The following DMD variants were observed in gnomAD, a reference collection of about 807,000 sequenced individuals.
DMD encodes the protein dystrophin, also known as mutant dystrophin.
In DMD, 63 loss-of-function variants were observed where a neutral mutation model predicts 330.1. That is an observed-to-expected ratio of 0.19 (90% confidence interval 0.16 to 0.24). The LOEUF is 0.24. DMD is among the 10% of genes least tolerant of loss of function. The pLI is 1.00. For synonymous variants in DMD, 1,223 were observed against 959.8 expected (o/e 1.27, Z -5.07); for missense variants, 3,344 against 2,684.1 (o/e 1.25, Z -5.43).
chrX:31,191,282 A>T (rs1243604827), intron 67 of DMD, among the ~76,000 whole-genome samples: 1 of 112,157 alleles, frequency 8.9e-6, no homozygotes, highest in African/African-American at 3.2e-5. Flanking sequence ...GCAAATATTA[A>T]ATACATACAT....
At chrX:33,319,039 A>G (rs1205421157) in intron 1 of DMD, among the ~76,000 whole-genome samples, 1 of 109,504 alleles carries the variant, frequency 9.1e-6, no homozygotes, top group Non-Finnish European at 1.9e-5. Flanking sequence ...GTACCCTTAT[A>G]AAAGAGACCC....
At chrX:32,554,919 AAGAAAGAAAGAAAGAAAGAAAGAGAGAG>A (rs2050093382) in intron 16 of DMD, among the ~76,000 whole-genome samples, 2 of 41,233 alleles carry the variant, frequency 4.9e-5, no homozygotes, top group Non-Finnish European at 8.9e-5. Flanking sequence ...GAAAGAAAGA[AAGAAAGAAAGAAAGAAAGAAAGAGAGAG>A]AGAGGGAGAG....
At chrX:33,179,607 T>C (rs1358806925) in intron 1 of DMD, among the ~76,000 whole-genome samples, 3 of 106,084 alleles carry the variant, frequency 2.8e-5, no homozygotes, top group Non-Finnish European at 3.9e-5. Flanking sequence ...GGCAGGAGAA[T>C]GGCGTGAACC....
intron 1 of DMD, among the ~76,000 whole-genome samples, chrX:33,280,853 C>T (rs1039822127): frequency 5.4e-5 from 6 of 111,923 alleles, no homozygotes; most frequent in African/African-American, 1.9e-4. Flanking sequence ...TTAACTTTAA[C>T]AACAGTAAGA....
At chrX:32,205,735 G>A (rs952759894) in intron 44 of DMD, among the ~76,000 whole-genome samples, 1 of 111,724 alleles carries the variant, frequency 9.0e-6, no homozygotes, top group Non-Finnish European at 1.9e-5. Flanking sequence ...TTAAAGGTTA[G>A]GTGAAATGTA....
chrX:31,718,628 C>G (rs1267417813), intron 52 of DMD, among the ~76,000 whole-genome samples: 1 of 110,635 alleles, frequency 9.0e-6, no homozygotes, highest in East Asian at 2.8e-4. Flanking sequence ...TGCACCACCT[C>G]TCTCCCCAAC....
At chrX:32,317,213 T>C (rs1428036088) in intron 41 of DMD, among the ~76,000 whole-genome samples, 1 of 111,613 alleles carries the variant, frequency 9.0e-6, no homozygotes, top group Non-Finnish European at 1.9e-5. Flanking sequence ...TTTATTTTCA[T>C]TTTTAACCAT....
At chrX:32,194,666 A>G (rs2096990810) in intron 44 of DMD, among the ~76,000 whole-genome samples, 1 of 111,655 alleles carries the variant, frequency 9.0e-6, no homozygotes, top group South Asian at 3.7e-4. Context: ...ACACAAAGAG[A>G]AAAGGAAGAG....
intron 67 of DMD, among the ~76,000 whole-genome samples, chrX:31,186,856 C>A (rs1255063144): frequency 8.9e-6 from 1 of 112,769 alleles, no homozygotes; most frequent in Admixed American, 9.3e-5. Flanking sequence ...TTCATCGAGT[C>A]CAAACTCTTA....
At chrX:32,878,362 A>G (rs1412914898) in intron 2 of DMD, among the ~76,000 whole-genome samples, 1 of 111,458 alleles carries the variant, frequency 9.0e-6, no homozygotes, top group Non-Finnish European at 1.9e-5. Context: ...TGGGCGACAG[A>G]GTGAGACTAC....
At chrX:31,927,651 T>TC (rs941109097) in intron 47 of DMD, among the ~76,000 whole-genome samples, 5 of 111,165 alleles carry the variant, frequency 4.5e-5, no homozygotes, top group African/African-American at 1.6e-4. Context: ...GATTTTTTTT[T>TC]TTCAAATAAC....
At chrX:32,507,276 C>T (rs1324560589) in intron 18 of DMD, among the ~76,000 whole-genome samples, 1 of 111,393 alleles carries the variant, frequency 9.0e-6, no homozygotes, top group Non-Finnish European at 1.9e-5. Flanking sequence ...CTTTGAGTTA[C>T]TTTTAGAGTT....
chrX:31,888,354 T>C (rs139810077), intron 47 of DMD, among the ~76,000 whole-genome samples: 77 of 111,358 alleles, frequency 6.9e-4, no homozygotes, highest in African/African-American at 2.3e-3. Flanking sequence ...AAGTTGGCCA[T>C]TGTATGGCTA....
intron 46 of DMD, 59 bp downstream of exon 46, chrX:31,932,021 T>C (rs1428393418): frequency 2.6e-6 from 3 of 1,142,693 alleles, no homozygotes; most frequent in African/African-American, 1.8e-5. Flanking sequence ...AATTAAAAAA[T>C]AGATTCATAT....
intron 1 of DMD, among the ~76,000 whole-genome samples, chrX:33,079,480 G>T (rs2094894135): frequency 9.0e-6 from 1 of 111,439 alleles, no homozygotes; most frequent in Non-Finnish European, 1.9e-5. Flanking sequence ...CATATACTAA[G>T]TCATATTAGA....
At chrX:32,711,227 T>C (rs1287186105) in intron 7 of DMD, among the ~76,000 whole-genome samples, 1 of 111,946 alleles carries the variant, frequency 8.9e-6, no homozygotes, top group Non-Finnish European at 1.9e-5. Context: ...TTTCTTGGTA[T>C]AGCTTCCAGT....
intron 44 of DMD, among the ~76,000 whole-genome samples, chrX:32,012,889 A>G (rs906736237): frequency 9.0e-6 from 1 of 110,731 alleles, no homozygotes; most frequent in African/African-American, 3.3e-5. Flanking sequence ...CAAGTATTGT[A>G]AATTGAGTCT....
chrX:32,781,119 A>G (rs2074707892), intron 7 of DMD, among the ~76,000 whole-genome samples: 1 of 96,566 alleles, frequency 1.0e-5, no homozygotes, highest in South Asian at 4.5e-4. Context: ...CTCTGTCTCA[A>G]AAAAAGAAAA....
At chrX:32,109,148 G>A (rs909023103) in intron 44 of DMD, among the ~76,000 whole-genome samples, 2 of 111,405 alleles carry the variant, frequency 1.8e-5, no homozygotes, top group Non-Finnish European at 3.8e-5. Context: ...AAAATTTCAT[G>A]TTATTTGATT....
Sources: gnomAD v4.1 joint callset for allele counts (sites outside exome capture counted in the v4.1 genomes callset) on GRCh38, gnomAD v4.1.1 for gene constraint, MANE v1.5 for transcripts, NCBI Gene and HGNC (gene_info 2026-07-23, HGNC 2026-07-21) for gene names.